KAT14: variants seen among roughly 807,000 people sequenced by gnomAD.
KAT14 encodes cysteine-rich protein 2-binding protein.
A neutral mutation model predicts 78.4 loss-of-function variants in KAT14; 66 were observed. The observed-to-expected ratio is 0.84, with a 90% CI of 0.69 to 1.03. The LOEUF (loss-of-function observed/expected upper bound fraction) is 1.03. Among genes scored for constraint, KAT14 ranks in the 50% least tolerant of loss-of-function variants. The pLI, the probability that KAT14 is intolerant of heterozygous loss-of-function variation, is 0.00. For missense variants in KAT14, 870 were observed against 972.5 expected, an observed-to-expected ratio of 0.89 and a Z score of 1.40; for synonymous variants, 344 against 359.4, an observed-to-expected ratio of 0.96 and a Z score of 0.48.
At chr20:18,168,972 G>T (rs1322276105) in intron 7 of KAT14, among the ~76,000 whole-genome samples, 1 of 151,944 alleles carries the variant, frequency 6.6e-6, no homozygotes, top group Admixed American at 6.6e-5. Context: ...GCAGTTCTCG[G>T]ATAGTCTGTT....
In KAT14 at chr20:18,177,496, G is replaced by T. The variant is rs538661647; in HGVS notation, c.1669-4214G>T. ...GAGGAGCCGCTTAGTAGGGATGGAGGAATTGTTAGTGGCTGTATTTAGAAA... is the reference window on the plus strand; with the variant it reads ...GAGGAGCCGCTTAGTAGGGATGGAGTAATTGTTAGTGGCTGTATTTAGAAA... On this transcript the variant is annotated intron_variant, in intron 7 of 10. Coordinates refer to ENST00000688188, the MANE Select transcript of KAT14 (RefSeq NM_001392073.1). 5.3e-5 allele frequency among the ~76,000 whole-genome samples: 8 copies of T among 152,284 alleles called. No individual in the cohort carries two copies. The South Asian group carries it at 1.7e-3, about 32-fold the overall frequency.
intron 9 of KAT14, 181 bp downstream of exon 9, chr20:18,183,479 C>A (rs927593664): frequency 2.0e-6 from 2 of 977,682 alleles, no homozygotes; most frequent in Non-Finnish European, 2.4e-6. Flanking sequence ...CTAGAAGAAG[C>A]CAGCAATAAA....
intron 2 of KAT14, 75 bp downstream of exon 2, chr20:18,142,994 G>C (rs1001413040): frequency 3.8e-6 from 6 of 1,562,900 alleles, no homozygotes; most frequent in Non-Finnish European, 4.3e-6. Flanking sequence ...TGAAAGAAAC[G>C]TGAATGTAAA....
intron 7 of KAT14, among the ~76,000 whole-genome samples, chr20:18,175,979 G>A (rs1036996228): frequency 6.1e-5 from 9 of 148,716 alleles, no homozygotes; most frequent in Non-Finnish European, 1.0e-4. Context: ...CTGCACTCCA[G>A]CGTGGGCAAC....
rs764354906 is a variant in KAT14, at chr20:18,138,033, G to A, written c.-472G>A. Reference sequence around the variant, plus strand: ...CCACAGTGGCCGGCGTACATGTGAAGCAGCAGTGGGACCAGCAGGTCGGTG... The same window carrying A: ...CCACAGTGGCCGGCGTACATGTGAAACAGCAGTGGGACCAGCAGGTCGGTG... On this transcript the variant is annotated 5_prime_UTR_variant, in exon 1 of 11. Coordinates refer to ENST00000688188, the MANE Select transcript of KAT14 (RefSeq NM_001392073.1). 3 of 1,494,526 alleles carry A rather than the reference G, an allele frequency of 2.0e-6. No homozygotes were observed. The highest frequency in any genetic ancestry group is 1.3e-5 in the South Asian group (1 of 79,956). The allele number at this position is 1,494,526 out of a possible 1,614,324, so 92.6% of individuals were successfully genotyped here.
chr20:18,159,792 A>G (rs2038352447), intron 5 of KAT14, among the ~76,000 whole-genome samples: 1 of 152,222 alleles, frequency 6.6e-6, no homozygotes, highest in Admixed American at 6.5e-5. Flanking sequence ...CAGCCTGACC[A>G]TAATGCCATT....
chr20:18,143,237 A>G (rs189455390), intron 2 of KAT14: 1 of 967,800 alleles, frequency 1.0e-6, no homozygotes, highest in Admixed American at 4.6e-5. Context: ...GCCAAATTCC[A>G]GTCCCAGTGT....
At chr20:18,176,204 G>A (rs2039040605) in intron 7 of KAT14, among the ~76,000 whole-genome samples, 1 of 151,634 alleles carries the variant, frequency 6.6e-6, no homozygotes, top group South Asian at 2.1e-4. Flanking sequence ...AGGAGGCTGA[G>A]GCAGGAGAAT....
At position 18,162,229 on chromosome 20, in the gene KAT14, C is replaced by T. The variant is rs1453776996; in HGVS notation, c.1089C>T (p.Ala363=). Residue 363 remains alanine, a synonymous_variant, in exon 6 of 11, where the codon GCC becomes GCT. Coordinates refer to ENST00000688188, the MANE Select transcript of KAT14 (RefSeq NM_001392073.1). ...DLIPDVMPPQ[A]LFHDDDEMEG... is the part of the protein sequence containing the mutation. ...TTCCAGATGTGATGCCCCCACAAGC[C>T]TTGTTTCATGGTAAGAGTTTGTTTG... The T allele has an allele frequency of 6.2e-7, 1 of 1,613,962 alleles. No homozygotes were observed. The highest frequency in any genetic ancestry group is 2.2e-5 in the East Asian group (1 of 44,888).
intron 7 of KAT14, among the ~76,000 whole-genome samples, chr20:18,176,468 A>T (rs1335085452): frequency 1.3e-5 from 2 of 152,186 alleles, no homozygotes; most frequent in African/African-American, 4.8e-5. Flanking sequence ...GAACGCGGGG[A>T]CAGTGATGTT....
At chr20:18,183,411 G>C (rs568461744) in intron 9 of KAT14, 113 bp downstream of exon 9, 1 of 1,386,444 alleles carries the variant, frequency 7.2e-7, no homozygotes, top group Admixed American at 3.2e-5. Flanking sequence ...ATTTCGTTTA[G>C]TTTGTCTCTG....
intron 7 of KAT14, among the ~76,000 whole-genome samples, chr20:18,164,132 A>T (rs1275485864): frequency 1.3e-5 from 2 of 152,194 alleles, no homozygotes; most frequent in Non-Finnish European, 2.9e-5. Flanking sequence ...TCCCTACTCC[A>T]GATAGATCCT....
At chr20:18,150,758 C>T (rs1600220061) in intron 3 of KAT14, 63 bp from the exon 4 acceptor site, 1 of 1,602,740 alleles carries the variant, frequency 6.2e-7, no homozygotes, top group East Asian at 2.2e-5. Flanking sequence ...AAGCTTTTCC[C>T]CCCTCAAGAT....
chr20:18,153,944 C>T (rs1408724667), intron 4 of KAT14, among the ~76,000 whole-genome samples: 1 of 152,136 alleles, frequency 6.6e-6, no homozygotes, highest in African/African-American at 2.4e-5. Flanking sequence ...CTTTCTTTTC[C>T]AGTCAAAAAG....
intron 3 of KAT14, among the ~76,000 whole-genome samples, chr20:18,150,618 T>A (rs2037996973): frequency 6.6e-6 from 1 of 152,122 alleles, no homozygotes; most frequent in Non-Finnish European, 1.5e-5. Context: ...TGCACATAAT[T>A]AAGTGGATTA....
intron 1 of KAT14, chr20:18,138,473 C>G (rs974316740): frequency 1.0e-6 from 1 of 988,980 alleles, no homozygotes; most frequent in Non-Finnish European, 1.2e-6. Context: ...GGGGTGCATT[C>G]TGCAAGCTAC....
At chr20:18,145,134 C>T in intron 2 of KAT14, 99 bp from the exon 3 acceptor site, 2 of 1,474,026 alleles carry the variant, frequency 1.4e-6, no homozygotes, top group Non-Finnish European at 9.0e-7. Context: ...GAAAAGAAGA[C>T]AACATGGGAA....
At chr20:18,171,996 T>A (rs1049272688) in intron 7 of KAT14, among the ~76,000 whole-genome samples, 3 of 152,236 alleles carry the variant, frequency 2.0e-5, no homozygotes, top group Admixed American at 2.0e-4. Flanking sequence ...CACTGAAGGC[T>A]CAGATGATCA....
In KAT14 at chr20:18,142,946, T is replaced by A. The variant is rs537659680; in HGVS notation, c.259+27T>A. 9.0e-5 allele frequency: 145 copies of A among 1,607,812 alleles called. 1 individual carries two copies. The South Asian group carries it at 1.5e-3, about 17-fold the overall frequency. On this transcript the variant is annotated intron_variant, in intron 2 of 10. Coordinates refer to ENST00000688188, the MANE Select transcript of KAT14 (RefSeq NM_001392073.1). ...TAAGGAGCTTCTCAATTCCTTTGATTTGTCAATTCCTGTGTGAAGGTTTGT... is the reference window on the plus strand; with the variant it reads ...TAAGGAGCTTCTCAATTCCTTTGATATGTCAATTCCTGTGTGAAGGTTTGT...
Sources: gnomAD v4.1 joint callset for allele counts (sites outside exome capture counted in the v4.1 genomes callset) on GRCh38, gnomAD v4.1.1 for gene constraint, MANE v1.5 for transcripts, NCBI Gene and HGNC (gene_info 2026-07-23, HGNC 2026-07-21) for gene names.